Variants in ADGRB3 observed in about 807,000 individuals in gnomAD.
ADGRB3 encodes brain-specific angiogenesis inhibitor 3.
ADGRB3 carries 37 observed loss-of-function variants against 193.4 expected under a neutral mutation model. The ratio of observed to expected loss-of-function variants is 0.19; its 90% confidence interval spans 0.15 to 0.25. ADGRB3 has a LOEUF of 0.25. ADGRB3 is among the 10% of genes least tolerant of loss of function. The pLI is 1.00. For synonymous variants in ADGRB3, 690 were observed against 644.2 expected (o/e 1.07, Z -1.08); for missense variants, 1,637 against 1,852.9 (o/e 0.88, Z 2.14).
chr6:69,005,137 C>T (rs1416583350), intron 11 of ADGRB3, among the ~76,000 whole-genome samples: 1 of 151,986 alleles, frequency 6.6e-6, no homozygotes, highest in African/African-American at 2.4e-5. Flanking sequence ...CCCAGGCTGT[C>T]TCTGGGGAAA....
intron 3 of ADGRB3, among the ~76,000 whole-genome samples, chr6:68,780,909 A>C (rs1033046957): frequency 1.3e-5 from 2 of 152,148 alleles, no homozygotes; most frequent in African/African-American, 4.8e-5. Context: ...AATGTTATTT[A>C]AAATGTCTTA....
chr6:68,772,989 G>A (rs1055545104), intron 3 of ADGRB3, among the ~76,000 whole-genome samples: 1 of 142,848 alleles, frequency 7.0e-6, no homozygotes, highest in African/African-American at 2.6e-5. Flanking sequence ...GGTAGTACAC[G>A]CCTTTAGTCC....
intron 20 of ADGRB3, among the ~76,000 whole-genome samples, chr6:69,265,324 T>C (rs1487867534): frequency 2.0e-5 from 3 of 151,760 alleles, no homozygotes; most frequent in South Asian, 4.2e-4. Flanking sequence ...TCAGATGAAA[T>C]AGCTATTTTT....
chr6:69,126,225 A>AGAT (rs10629939), intron 17 of ADGRB3, among the ~76,000 whole-genome samples: 91,067 of 149,012 alleles, frequency 0.61, 28,632 homozygotes, highest in East Asian at 0.95. Flanking sequence ...ATAGATAAAT[A>AGAT]GATACACACA....
At chr6:69,179,726 G>A (rs1232315351) in intron 17 of ADGRB3, among the ~76,000 whole-genome samples, 1 of 152,066 alleles carries the variant, frequency 6.6e-6, no homozygotes, top group African/African-American at 2.4e-5. Flanking sequence ...AGAATGCTGG[G>A]TAAGGTTTTT....
At chr6:68,644,492 A>G (rs1436657428) in intron 3 of ADGRB3, among the ~76,000 whole-genome samples, 2 of 152,078 alleles carry the variant, frequency 1.3e-5, no homozygotes, top group African/African-American at 4.8e-5. Flanking sequence ...CCCTAGCATT[A>G]CTTGTACAGT....
At chr6:69,070,622 GA>G (rs1290984770) in intron 16 of ADGRB3, among the ~76,000 whole-genome samples, 1 of 151,896 alleles carries the variant, frequency 6.6e-6, no homozygotes, top group Admixed American at 6.6e-5. Context: ...AATTTGATGT[GA>G]AAAAAAATTA....
chr6:69,133,661 AC>A lies in ADGRB3; in HGVS notation c.2480+57624del, dbSNP rs1317915084. On this transcript the variant is annotated intron_variant, in intron 17 of 31. Coordinates refer to ENST00000370598, the MANE Select transcript of ADGRB3 (RefSeq NM_001704.3). ...GATAACGAAACCCGGCAGAGACACA[AC>A]AAAAAAAGAAAATTTCTTTTTTTTT... Among the ~76,000 whole-genome samples, 129 of 130,704 alleles carry A rather than the reference AC, an allele frequency of 9.9e-4. 1 individual carries two copies. The highest frequency in any genetic ancestry group is 3.2e-3 in the African/African-American group (123 of 37,974). The allele number at this position is 130,704 out of a possible 152,430, so 85.7% of individuals were successfully genotyped here. A position where few individuals can be genotyped will look rare whatever the true frequency, so the allele number is the denominator to read the frequency against.
intron 3 of ADGRB3, among the ~76,000 whole-genome samples, chr6:68,642,451 A>G (rs527411344): frequency 2.0e-4 from 31 of 152,256 alleles, no homozygotes; most frequent in Middle Eastern, 3.4e-3. Flanking sequence ...TAATATATTC[A>G]TGTACTGAAA....
At chr6:68,740,727 T>A (rs1001466276) in intron 3 of ADGRB3, among the ~76,000 whole-genome samples, 7 of 152,230 alleles carry the variant, frequency 4.6e-5, no homozygotes, top group Admixed American at 3.9e-4. Context: ...TAAAACATAA[T>A]ATTTATTTAT....
chr6:69,388,818 G>T lies in ADGRB3; in HGVS notation c.4496G>T (p.Arg1499Met), dbSNP rs1435098099. ...DTEAKDALEL[R>M]PAEWEKCLNL... ...GAGGCAAAGGATGCTTTGGAACTGA[G>T]GCCAGCAGAGTGGGAGAAGTGTCTG... Residue 1499 changes from arginine to methionine, a missense_variant, in exon 32 of 32, where the codon AGG becomes ATG. Arg to Met is a moderately conservative substitution (Grantham distance 91). Around this residue, in one of 7 missense-constraint regions of ADGRB3, gnomAD observed 368 missense variants for 367.4 expected, o/e 1.00. Coordinates refer to ENST00000370598, the MANE Select transcript of ADGRB3 (RefSeq NM_001704.3). 4 of 1,613,516 alleles carry T rather than the reference G, an allele frequency of 2.5e-6. No homozygotes were observed. The highest frequency in any genetic ancestry group is 3.4e-6 in the Non-Finnish European group (4 of 1,179,642).
At chr6:69,366,707 G>C (rs1314039672) in intron 29 of ADGRB3, among the ~76,000 whole-genome samples, 1 of 151,940 alleles carries the variant, frequency 6.6e-6, no homozygotes, top group Admixed American at 6.6e-5. Context: ...GGTTTTCGTT[G>C]TGTGTTTAGT....
chr6:69,220,152 A>AT (rs1224935135), intron 17 of ADGRB3, among the ~76,000 whole-genome samples: 4 of 151,952 alleles, frequency 2.6e-5, no homozygotes, highest in Non-Finnish European at 4.4e-5. Flanking sequence ...CCATTAGACC[A>AT]TTTTTTTAGG....
At chr6:69,099,201 C>T (rs931326706) in intron 17 of ADGRB3, among the ~76,000 whole-genome samples, 9 of 152,126 alleles carry the variant, frequency 5.9e-5, no homozygotes, top group African/African-American at 1.2e-4. Context: ...TGGTCCAATT[C>T]CCCCACAGCA....
chr6:68,785,533 C>G (rs1443484155), intron 3 of ADGRB3, among the ~76,000 whole-genome samples: 2 of 151,904 alleles, frequency 1.3e-5, no homozygotes, highest in Non-Finnish European at 2.9e-5. Context: ...ATATGTGCCA[C>G]ATTTTGTTAA....
intron 20 of ADGRB3, among the ~76,000 whole-genome samples, chr6:69,311,721 G>A (rs899085106): frequency 2.6e-5 from 4 of 151,494 alleles, no homozygotes; most frequent in African/African-American, 9.7e-5. Flanking sequence ...ATCAAGAGGG[G>A]ACCCTTCTTT....
chr6:68,724,776 C>A lies in ADGRB3; in HGVS notation c.757+85344C>A, dbSNP rs137858388. Among the ~76,000 whole-genome samples, 352 of 151,316 alleles carry A rather than the reference C, an allele frequency of 2.3e-3. 1 individual carries two copies. Among genetic ancestry groups the A allele is most frequent in the Admixed American group, 3.8e-3 (58 of 15,100 alleles). On this transcript the variant is annotated intron_variant, in intron 3 of 31. Transcript: ENST00000370598. ...TCATTGGAAAAAGAAAATCCAAGAA[C>A]CATTTACTTAATTCATCAAGCAAAT...
At chr6:69,011,527 C>A (rs953435700) in intron 11 of ADGRB3, among the ~76,000 whole-genome samples, 3 of 151,856 alleles carry the variant, frequency 2.0e-5, no homozygotes, top group Non-Finnish European at 4.4e-5. Context: ...TAACTACTGG[C>A]TACTGTGCTT....
intron 3 of ADGRB3, among the ~76,000 whole-genome samples, chr6:68,858,837 C>T (rs62416368): frequency 0.093 from 14,204 of 152,182 alleles, 869 homozygotes; most frequent in Non-Finnish European, 0.13. Context: ...CCAACAAAAC[C>T]ATTGTTTTCT....
Sources: gnomAD v4.1 joint callset for allele counts (sites outside exome capture counted in the v4.1 genomes callset) on GRCh38, gnomAD v4.1.1 for gene constraint, gnomAD v4.1.1 regional missense constraint, MANE v1.5 for transcripts, NCBI Gene and HGNC (gene_info 2026-07-23, HGNC 2026-07-21) for gene names.